OSBPL9: variants seen among roughly 807,000 people sequenced by gnomAD.
The protein encoded by OSBPL9 is oxysterol binding protein like 9, also known as oxysterol-binding protein-related protein 9.
In OSBPL9, 40 loss-of-function variants were observed where a neutral mutation model predicts 106.6. That is an observed-to-expected ratio of 0.38 (90% CI 0.29 to 0.49). The LOEUF (loss-of-function observed/expected upper bound fraction) is 0.49, where lower values mean the gene tolerates loss of function less well. OSBPL9 is among the 20% of genes least tolerant of loss of function. The pLI is 0.97. For synonymous variants in OSBPL9, 269 were observed against 295.4 expected (o/e 0.91, Z 0.92); for missense variants, 609 against 887.2 (o/e 0.69, Z 3.98).
At chr1:51,762,685 G>A (rs1261233252) in intron 11 of OSBPL9, among the ~76,000 whole-genome samples, 1 of 152,188 alleles carries the variant, frequency 6.6e-6, no homozygotes, top group Non-Finnish European at 1.5e-5. Flanking sequence ...CTTATGTCGT[G>A]TATTTTTATT....
At chr1:51,675,761 G>T (rs532028316) in intron 3 of OSBPL9, among the ~76,000 whole-genome samples, 1 of 151,838 alleles carries the variant, frequency 6.6e-6, no homozygotes, top group Non-Finnish European at 1.5e-5. Context: ...CTAATAATTC[G>T]AAAAAAACTA....
the OSBPL9 span, chr1:51,519,165 C>T: frequency 7.0e-7 from 1 of 1,421,296 alleles, no homozygotes; most frequent in Non-Finnish European, 9.3e-7. Flanking sequence ...GGGCACCGGC[C>T]GGCCAAGCCC....
the OSBPL9 span, among the ~76,000 whole-genome samples, chr1:51,529,426 G>A: frequency 6.6e-6 from 1 of 151,954 alleles, no homozygotes; most frequent in East Asian, 1.9e-4. Context: ...TGTATTTTTA[G>A]TAGAGACAGG....
intron 2 of OSBPL9, among the ~76,000 whole-genome samples, chr1:51,599,684 G>T (rs1300440820): frequency 6.6e-5 from 10 of 151,788 alleles, no homozygotes; most frequent in Non-Finnish European, 8.8e-5. Flanking sequence ...CTATTTTTCA[G>T]ATGAAAAAAA....
Position 51,706,393 on chromosome 1 carries a change from A to C in OSBPL9, c.242-7610A>C, listed in dbSNP as rs150919830. Among the ~76,000 whole-genome samples, 358 of 152,168 alleles carry C rather than the reference A, an allele frequency of 2.4e-3. 1 individual carries two copies. Among genetic ancestry groups the C allele is most frequent in the African/African-American group, 8.3e-3 (344 of 41,536 alleles). On this transcript the variant is annotated intron_variant, in intron 3 of 23. Coordinates refer to ENST00000428468, the MANE Select transcript of OSBPL9 (RefSeq NM_024586.6). ...TCAGTTTTATAGTCAGGGAGTTATG[A>C]GTATGTGCATCAGTTGTGATGTCCT... is the stretch of plus-strand genomic sequence containing the variant.
the OSBPL9 span, among the ~76,000 whole-genome samples, chr1:51,537,284 T>C: frequency 6.6e-6 from 1 of 152,256 alleles, no homozygotes; most frequent in South Asian, 2.1e-4. Flanking sequence ...AACTAGCTCC[T>C]GTGTCCTTTT....
intron 2 of OSBPL9, among the ~76,000 whole-genome samples, chr1:51,655,229 TGAA>T (rs1030707060): frequency 2.6e-5 from 4 of 152,192 alleles, no homozygotes; most frequent in Admixed American, 2.0e-4. Flanking sequence ...CTGGAGGCTC[TGAA>T]GAAGAGTCCT....
chr1:51,546,910 T>C, the OSBPL9 span, among the ~76,000 whole-genome samples: 1 of 152,024 alleles, frequency 6.6e-6, no homozygotes, highest in East Asian at 1.9e-4. Context: ...TCAAAAGGCA[T>C]ATGAAGAGAT....
chr1:51,769,577 A>G (rs192809309), intron 12 of OSBPL9, among the ~76,000 whole-genome samples: 54 of 152,372 alleles, frequency 3.5e-4, no homozygotes, highest in African/African-American at 1.3e-3. Flanking sequence ...TATTATTATA[A>G]TTCATAGCTT....
rs187206169 is a variant in OSBPL9 at position 51,783,130 on chromosome 1, G to A, written c.1513+487G>A. Among the ~76,000 whole-genome samples the A allele has an allele frequency of 2.9e-4, 44 of 152,112 alleles. No homozygotes were observed. The East Asian group carries it at 8.1e-3, about 28-fold the overall frequency. On this transcript the variant is annotated intron_variant, in intron 17 of 23. Transcript: ENST00000428468. ...TTATAATACCTAATACAATGTAAAT[G>A]CTATGTAAATAGTTGTTTCACTATT...
Position 51,743,204 on chromosome 1 carries a change from T to C in OSBPL9, c.319-2332T>C, listed in dbSNP as rs1667294843. Among the ~76,000 whole-genome samples the C allele has an allele frequency of 2.0e-5, 3 of 152,248 alleles. No homozygotes were observed. The South Asian group carries it at 6.2e-4, about 32-fold the overall frequency. On this transcript the variant is annotated intron_variant, in intron 4 of 23. Coordinates refer to ENST00000428468, the MANE Select transcript of OSBPL9 (RefSeq NM_024586.6). Reference sequence around the variant, plus strand: ...ATTGGGCCAGTTCTGGGACTGTCATTATAAACCTCCTGTTACACATTACCT... The same window carrying C: ...ATTGGGCCAGTTCTGGGACTGTCATCATAAACCTCCTGTTACACATTACCT...
At chr1:51,673,345 A>G (rs1223849125) in intron 3 of OSBPL9, among the ~76,000 whole-genome samples, 3 of 152,326 alleles carry the variant, frequency 2.0e-5, no homozygotes, top group Middle Eastern at 3.4e-3. Flanking sequence ...CAGTGCATTC[A>G]AGTTTTGATG....
At chr1:51,658,766 A>G (rs542480352) in intron 2 of OSBPL9, among the ~76,000 whole-genome samples, 41 of 152,194 alleles carry the variant, frequency 2.7e-4, no homozygotes, top group African/African-American at 9.4e-4. Flanking sequence ...TCACAATGCA[A>G]TAAGGTGTTA....
chr1:51,682,780 T>C (rs547221605), intron 3 of OSBPL9, among the ~76,000 whole-genome samples: 2 of 151,656 alleles, frequency 1.3e-5, no homozygotes, highest in South Asian at 4.2e-4. Flanking sequence ...GAAAAGAAAA[T>C]GTGTATATAT....
chr1:51,553,881 G>T, the OSBPL9 span, among the ~76,000 whole-genome samples: 1 of 152,116 alleles, frequency 6.6e-6, no homozygotes, highest in South Asian at 2.1e-4. Flanking sequence ...GTTTCTCCAT[G>T]CTGTTCAGGC....
Position 51,617,236 on chromosome 1 carries a change from G to C in OSBPL9, c.111+15G>C, listed in dbSNP as rs1193077947. On this transcript the variant is annotated intron_variant, in intron 1 of 23. Coordinates refer to ENST00000428468, the MANE Select transcript of OSBPL9 (RefSeq NM_024586.6). ...CCTACTACACGGTGAGTCCTTGGAGGGCACAGCTCCAGGCGCCTCGGGGCC... is the reference window on the plus strand; with the variant it reads ...CCTACTACACGGTGAGTCCTTGGAGCGCACAGCTCCAGGCGCCTCGGGGCC... The C allele has an allele frequency of 6.3e-7, 1 of 1,595,690 alleles. No homozygotes were observed. The highest frequency in any genetic ancestry group is 8.6e-7 in the Non-Finnish European group (1 of 1,169,188).
At chr1:51,734,064 A>G (rs925871606) in intron 4 of OSBPL9, among the ~76,000 whole-genome samples, 1 of 152,190 alleles carries the variant, frequency 6.6e-6, no homozygotes, top group Non-Finnish European at 1.5e-5. Context: ...GAAGATGATG[A>G]TAGTACCTGG....
chr1:51,608,038 G>A (rs1643960869), intron 2 of OSBPL9, among the ~76,000 whole-genome samples: 1 of 152,196 alleles, frequency 6.6e-6, no homozygotes, highest in Non-Finnish European at 1.5e-5. Context: ...CACTTGGGCG[G>A]GCCGCATACA....
intron 4 of OSBPL9, among the ~76,000 whole-genome samples, chr1:51,736,897 A>C (rs1047345173): frequency 6.6e-6 from 1 of 152,196 alleles, no homozygotes; most frequent in African/African-American, 2.4e-5. Flanking sequence ...AAAGTATCTC[A>C]GAAGAAAAGT....
Sources: allele counts gnomAD v4.1 joint callset (sites outside exome capture counted in the v4.1 genomes callset), GRCh38; gene constraint gnomAD v4.1.1; transcripts MANE v1.5; gene names NCBI Gene and HGNC (gene_info 2026-07-23, HGNC 2026-07-21).